Variants in ANK1 observed in about 807,000 individuals in gnomAD.
ANK1 encodes ankyrin 1.
A neutral mutation model predicts 210.4 loss-of-function variants in ANK1; 51 were observed. The observed-to-expected ratio is 0.24, with a 90% CI of 0.19 to 0.31. The LOEUF is 0.31. Ranked by LOEUF, ANK1 falls within the 10% of genes least tolerant of loss-of-function variation. The probability of loss-of-function intolerance (pLI) is 1.00; values close to 1 mark genes in which losing one functional copy is unlikely to be tolerated. For missense variants in ANK1, 2,051 were observed against 2,504.4 expected, an observed-to-expected ratio of 0.82 and a Z score of 3.86; for synonymous variants, 967 against 1,025.9, an observed-to-expected ratio of 0.94 and a Z score of 1.10.
chr8:41,655,883 C>T (rs1805509319), intron 42 of ANK1, 130 bp from the exon 43 acceptor site: 2 of 1,061,896 alleles, frequency 1.9e-6, no homozygotes, highest in Non-Finnish European at 2.8e-6. Flanking sequence ...TCTCCCCAGG[C>T]AGGGCGATGT....
At chr8:41,765,960 G>A (rs971728409) in intron 1 of ANK1, among the ~76,000 whole-genome samples, 1 of 152,144 alleles carries the variant, frequency 6.6e-6, no homozygotes, top group Non-Finnish European at 1.5e-5. Context: ...GGGGGTTGGG[G>A]TGGCCTAAGT....
intron 2 of ANK1, among the ~76,000 whole-genome samples, chr8:41,744,405 C>T (rs952766189): frequency 1.1e-4 from 17 of 152,210 alleles, no homozygotes; most frequent in African/African-American, 3.6e-4. Context: ...ATTTCCCTCC[C>T]TCAACACAAT....
chr8:41,788,396 G>A (rs960538902), intron 1 of ANK1, among the ~76,000 whole-genome samples: 6 of 152,154 alleles, frequency 3.9e-5, no homozygotes, highest in Non-Finnish European at 8.8e-5. Flanking sequence ...CCTGTGAGGT[G>A]CATTAAGTCA....
intron 1 of ANK1, among the ~76,000 whole-genome samples, chr8:41,771,010 T>A (rs1193848714): frequency 1.3e-5 from 2 of 152,138 alleles, no homozygotes; most frequent in Non-Finnish European, 2.9e-5. Context: ...CCCCACCTAC[T>A]CCTCTATGTG....
chr8:41,786,113 CGCGG>C (rs1245982828), intron 1 of ANK1, among the ~76,000 whole-genome samples: 2 of 152,216 alleles, frequency 1.3e-5, no homozygotes, highest in African/African-American at 2.4e-5. Context: ...TTCCTTTTGG[CGCGG>C]TTTGTGGTCG....
At chr8:41,724,198 A>G (rs1413873612) in intron 7 of ANK1, among the ~76,000 whole-genome samples, 1 of 152,222 alleles carries the variant, frequency 6.6e-6, no homozygotes, top group Non-Finnish European at 1.5e-5. Context: ...AAAGTCAGTT[A>G]TATGGAAATC....
chr8:41,736,543 T>A (rs1335304082), intron 2 of ANK1, among the ~76,000 whole-genome samples: 1 of 152,238 alleles, frequency 6.6e-6, no homozygotes, highest in East Asian at 1.9e-4. Context: ...GCCCGGCAGC[T>A]GCTGCTGGCC....
intron 39 of ANK1, chr8:41,665,081 G>A (rs1039445398): frequency 5.6e-6 from 9 of 1,592,934 alleles, no homozygotes; most frequent in Non-Finnish European, 7.7e-6. Context: ...ACCACGGGGG[G>A]CCTGCCTCTC....
At chr8:41,719,929 CCAACGT>C in intron 9 of ANK1, 71 bp from the exon 10 acceptor site, 1 of 1,521,498 alleles carries the variant, frequency 6.6e-7, no homozygotes, top group South Asian at 1.1e-5. Context: ...CAGGACGATT[CCAACGT>C]CACTCCCTAC....
chr8:41,877,215 G>A (rs769175941), intron 1 of ANK1, among the ~76,000 whole-genome samples: 27 of 152,246 alleles, frequency 1.8e-4, no homozygotes, highest in African/African-American at 3.6e-4. Context: ...ATCCCACAGC[G>A]CAGGTGAAAA....
At chr8:41,693,328 C>A in intron 29 of ANK1, 127 bp from the exon 30 acceptor site, 1 of 810,288 alleles carries the variant, frequency 1.2e-6, no homozygotes, top group Non-Finnish European at 2.1e-6. Context: ...CAGCCCTGGG[C>A]ACCCTACCCT....
At chr8:41,711,607 A>G (rs1826145424) in intron 16 of ANK1, among the ~76,000 whole-genome samples, 1 of 152,196 alleles carries the variant, frequency 6.6e-6, no homozygotes, top group Admixed American at 6.5e-5. Flanking sequence ...TGCTGATTCC[A>G]AACTTTTAGA....
intron 1 of ANK1, among the ~76,000 whole-genome samples, chr8:41,892,221 C>T (rs538965672): frequency 2.6e-5 from 4 of 152,136 alleles, no homozygotes; most frequent in African/African-American, 9.6e-5. Flanking sequence ...GTCAACCCTC[C>T]AGTCTCACGC....
chr8:41,657,425 C>T (rs1157350720), intron 42 of ANK1, among the ~76,000 whole-genome samples: 2 of 152,192 alleles, frequency 1.3e-5, no homozygotes, highest in Non-Finnish European at 2.9e-5. Flanking sequence ...AGGTGCTTAG[C>T]ATTGTATGAA....
At chr8:41,853,123 C>T (rs1285748175) in intron 1 of ANK1, among the ~76,000 whole-genome samples, 1 of 152,212 alleles carries the variant, frequency 6.6e-6, no homozygotes, top group African/African-American at 2.4e-5. Flanking sequence ...TCCCCCAGTG[C>T]ATTCGGAAAT....
At chr8:41,676,151 G>A (rs1814088539) in intron 37 of ANK1, among the ~76,000 whole-genome samples, 1 of 152,212 alleles carries the variant, frequency 6.6e-6, no homozygotes, top group South Asian at 2.1e-4. Flanking sequence ...GTAGGTATAT[G>A]TTTAACTTTG....
intron 16 of ANK1, among the ~76,000 whole-genome samples, chr8:41,709,612 C>T (rs1825614533): frequency 6.6e-6 from 1 of 152,228 alleles, no homozygotes; most frequent in Admixed American, 6.5e-5. Flanking sequence ...AAACGTGATA[C>T]TATACGTGAA....
intron 37 of ANK1, among the ~76,000 whole-genome samples, chr8:41,675,406 AT>A (rs1813812637): frequency 6.6e-6 from 1 of 152,186 alleles, no homozygotes; most frequent in Non-Finnish European, 1.5e-5. Flanking sequence ...CACTGAGCGT[AT>A]TTTTAGTGCA....
chr8:41,737,820 G>A (rs946319493), intron 2 of ANK1, among the ~76,000 whole-genome samples: 52 of 152,256 alleles, frequency 3.4e-4, no homozygotes, highest in Middle Eastern at 6.8e-3. Flanking sequence ...AAACACATGG[G>A]GACGGGGCTG....
Sources: gnomAD v4.1 joint callset for allele counts (sites outside exome capture counted in the v4.1 genomes callset) on GRCh38, gnomAD v4.1.1 for gene constraint, MANE v1.5 for transcripts, NCBI Gene and HGNC (gene_info 2026-07-23, HGNC 2026-07-21) for gene names.